The following ESRRG variants were observed in gnomAD, a reference collection of about 807,000 sequenced individuals.
ESRRG encodes the protein estrogen-related receptor gamma.
A neutral mutation model predicts 44.0 loss-of-function variants in ESRRG; 13 were observed. That is an observed-to-expected ratio of 0.30 (90% CI 0.19 to 0.47). ESRRG has a LOEUF of 0.47. ESRRG is among the 20% of genes least tolerant of loss of function. ESRRG has a pLI of 1.00. For missense variants in ESRRG, 395 were observed against 580.6 expected (o/e 0.68, Z 3.29); for synonymous variants, 215 against 214.6 (o/e 1.00, Z -0.02).
chr1:217,045,304 A>G (rs1389992820), intron 1 of ESRRG, among the ~76,000 whole-genome samples: 2 of 152,214 alleles, frequency 1.3e-5, no homozygotes, highest in Non-Finnish European at 2.9e-5. Flanking sequence ...AAAACCCCAT[A>G]AGACCAGGTC....
chr1:217,002,251 G>A (rs1271722682), intron 1 of ESRRG, among the ~76,000 whole-genome samples: 2 of 146,386 alleles, frequency 1.4e-5, no homozygotes, highest in African/African-American at 2.5e-5. Context: ...GCAGTGAGCC[G>A]AGATAGTGCC....
rs148426589 is a variant in ESRRG, at chr1:216,542,417, T to C, written c.862+21802A>G. 2.4e-4 allele frequency among the ~76,000 whole-genome samples: 36 copies of C among 152,020 alleles called. No individual in the cohort carries two copies. In the South Asian group the frequency reaches 2.7e-3, roughly 11 times the overall value. On this transcript the variant is annotated intron_variant, in intron 5 of 6. Coordinates refer to ENST00000408911, the MANE Select transcript of ESRRG (RefSeq NM_001438.4). ...CAAATATAAATGAAACATCAACATG[T>C]AATAATGAAAGAGAGAGCCACATCT...
At chr1:216,953,370 C>G (rs1332093322) in intron 1 of ESRRG, among the ~76,000 whole-genome samples, 1 of 152,084 alleles carries the variant, frequency 6.6e-6, no homozygotes, top group Non-Finnish European at 1.5e-5. Context: ...TTTATGTAAC[C>G]CCCCTGTTTT....
intron 2 of ESRRG, among the ~76,000 whole-genome samples, chr1:216,902,962 T>C (rs2059258515): frequency 2.0e-5 from 3 of 152,204 alleles, no homozygotes. Context: ...AAGGCTGTCA[T>C]TGTTTCATCA....
intron 5 of ESRRG, among the ~76,000 whole-genome samples, chr1:216,554,017 C>A (rs954022544): frequency 6.6e-6 from 1 of 152,008 alleles, no homozygotes; most frequent in Non-Finnish European, 1.5e-5. Flanking sequence ...GTGATTTTGG[C>A]AGGTTAAATT....
At chr1:216,551,764 A>G (rs941254283) in intron 5 of ESRRG, among the ~76,000 whole-genome samples, 5 of 152,198 alleles carry the variant, frequency 3.3e-5, no homozygotes, top group Non-Finnish European at 7.3e-5. Flanking sequence ...TTGTGCAGAG[A>G]GATATAGTAG....
At chr1:216,558,785 T>TATAC (rs920003550) in intron 5 of ESRRG, among the ~76,000 whole-genome samples, 1 of 152,202 alleles carries the variant, frequency 6.6e-6, no homozygotes, top group African/African-American at 2.4e-5. Context: ...CAACTACAGG[T>TATAC]ATACAGGTAT....
At chr1:216,798,905 T>A (rs1389300619) in intron 2 of ESRRG, among the ~76,000 whole-genome samples, 2 of 152,288 alleles carry the variant, frequency 1.3e-5, no homozygotes, top group East Asian at 3.9e-4. Flanking sequence ...TTGCCATTAA[T>A]AATACCAGTT....
At chr1:216,565,810 T>C (rs1296135421) in intron 4 of ESRRG, among the ~76,000 whole-genome samples, 1 of 152,136 alleles carries the variant, frequency 6.6e-6, no homozygotes, top group Non-Finnish European at 1.5e-5. Flanking sequence ...GGATTTTTCT[T>C]GTATGCTACA....
chr1:216,531,084 G>A (rs2049234030), intron 5 of ESRRG, among the ~76,000 whole-genome samples: 1 of 152,094 alleles, frequency 6.6e-6, no homozygotes, highest in South Asian at 2.1e-4. Flanking sequence ...AGGATTTACA[G>A]CATAGGCCAT....
At chr1:216,958,660 A>T (rs1480660176) in intron 1 of ESRRG, among the ~76,000 whole-genome samples, 1 of 152,174 alleles carries the variant, frequency 6.6e-6, no homozygotes, top group Non-Finnish European at 1.5e-5. Context: ...GCTCAGAGCA[A>T]TCCAATAGCA....
At chr1:216,811,065 A>G (rs973820905) in intron 2 of ESRRG, among the ~76,000 whole-genome samples, 5 of 152,196 alleles carry the variant, frequency 3.3e-5, no homozygotes, top group African/African-American at 1.2e-4. Flanking sequence ...GAGAATAACA[A>G]TGAGTAAAAT....
chr1:216,842,717 T>C (rs933922736), intron 2 of ESRRG, among the ~76,000 whole-genome samples: 1 of 152,200 alleles, frequency 6.6e-6, no homozygotes, highest in Non-Finnish European at 1.5e-5. Flanking sequence ...CATGCATCTT[T>C]ATCTACCCAT....
chr1:216,788,262 C>G (rs1025816631), intron 2 of ESRRG, among the ~76,000 whole-genome samples: 3 of 152,076 alleles, frequency 2.0e-5, no homozygotes, highest in African/African-American at 7.2e-5. Context: ...TTCCTGACTT[C>G]AAAGCTCCAA....
At chr1:216,777,839 C>A (rs1340470164) in intron 2 of ESRRG, among the ~76,000 whole-genome samples, 1 of 152,170 alleles carries the variant, frequency 6.6e-6, no homozygotes, top group Non-Finnish European at 1.5e-5. Flanking sequence ...AATTGTTTAA[C>A]TTACATATCT....
At chr1:216,625,586 G>A (rs762914391) in intron 3 of ESRRG, among the ~76,000 whole-genome samples, 2 of 152,104 alleles carry the variant, frequency 1.3e-5, no homozygotes, top group South Asian at 2.1e-4. Context: ...GCAATATATT[G>A]TAGTAATTAA....
At chr1:217,136,420 C>T (rs1204140076) in intron 1 of ESRRG, among the ~76,000 whole-genome samples, 1 of 152,202 alleles carries the variant, frequency 6.6e-6, no homozygotes, top group Non-Finnish European at 1.5e-5. Flanking sequence ...TTTACTTCAA[C>T]CCTAGGCTCT....
intron 2 of ESRRG, among the ~76,000 whole-genome samples, chr1:216,733,061 T>C (rs375855565): frequency 0.22 from 9,465 of 42,858 alleles, 370 homozygotes; most frequent in African/African-American, 0.24. Flanking sequence ...GAAGCAACAA[T>C]AATCCAAAAA....
chr1:216,920,380 G>A (rs1482841653), intron 2 of ESRRG, among the ~76,000 whole-genome samples: 1 of 121,524 alleles, frequency 8.2e-6, no homozygotes, highest in Non-Finnish European at 1.7e-5. Flanking sequence ...GTGAATGTAT[G>A]GGAGTGTGTG....
Sources: allele counts gnomAD v4.1 joint callset (sites outside exome capture counted in the v4.1 genomes callset), GRCh38; gene constraint gnomAD v4.1.1; transcripts MANE v1.5; gene names NCBI Gene and HGNC (gene_info 2026-07-23, HGNC 2026-07-21).